The following TRERF1 variants were observed in gnomAD, a reference collection of about 807,000 sequenced individuals.
The protein encoded by TRERF1 is transcriptional regulating factor 1, also known as transcriptional-regulating factor 1.
Under a neutral mutation model 122.9 loss-of-function variants are expected in TRERF1, and 27 were observed. That is an observed-to-expected ratio of 0.22 (90% CI 0.16 to 0.30). TRERF1 has a LOEUF of 0.30. TRERF1 is among the 10% of genes least tolerant of loss of function. The pLI, the probability that TRERF1 is intolerant of heterozygous loss-of-function variation, is 1.00. For missense variants in TRERF1, 1,248 were observed against 1,560.3 expected, an observed-to-expected ratio of 0.80 and a Z score of 3.37; for synonymous variants, 636 against 641.7, an observed-to-expected ratio of 0.99 and a Z score of 0.13.
At chr6:42,445,112 T>C (rs1160935157) in intron 2 of TRERF1, among the ~76,000 whole-genome samples, 1 of 151,640 alleles carries the variant, frequency 6.6e-6, no homozygotes, top group Non-Finnish European at 1.5e-5. Flanking sequence ...CTACTAAAAA[T>C]ATAAAAACCA....
In TRERF1 at chr6:42,259,541, G is replaced by A. The variant is rs749703590; in HGVS notation, c.2067C>T (p.Ser689=). ...GCAGGTGGTCCCCGAGGACGCGCGG[G>A]GAGCGCAGCTGGCTCTGGTACAGGG... is the stretch of plus-strand genomic sequence containing the variant. The change falls in exon 9 of 18, where the codon TCC becomes TCT. Residue 689 remains serine (S), a synonymous_variant. Transcript: ENST00000372922. This position sits in a 1 kb window ranked among gnomAD's most constrained non-coding sequence, Gnocchi z 4.9. 5.0e-6 allele frequency: 8 copies of A among 1,613,594 alleles called. No individual in the cohort carries two copies. In the South Asian group the frequency reaches 8.8e-5, roughly 18 times the overall value.
At chr6:42,370,547 A>C (rs532646827) in intron 2 of TRERF1, among the ~76,000 whole-genome samples, 2 of 152,318 alleles carry the variant, frequency 1.3e-5, no homozygotes, top group East Asian at 3.9e-4. Flanking sequence ...TTAAACAAAA[A>C]CCATGAACCA....
chr6:42,265,706 T>C (rs1356163419), intron 6 of TRERF1, 45 bp downstream of exon 6: 2 of 1,593,748 alleles, frequency 1.3e-6, no homozygotes. Flanking sequence ...CCCCAGAAAA[T>C]CCTCCCCGTC....
At chr6:42,261,615 G>T (rs1030067368) in intron 8 of TRERF1, among the ~76,000 whole-genome samples, 1 of 152,112 alleles carries the variant, frequency 6.6e-6, no homozygotes, top group Non-Finnish European at 1.5e-5. Context: ...TGGGGGGCAG[G>T]TCTCAGCTGT....
chr6:42,359,586 C>T (rs546504236), intron 3 of TRERF1, among the ~76,000 whole-genome samples: 7 of 152,158 alleles, frequency 4.6e-5, no homozygotes, highest in East Asian at 3.9e-4. Flanking sequence ...TAGCTGGGCG[C>T]GGTGGCGTGC....
intron 3 of TRERF1, among the ~76,000 whole-genome samples, chr6:42,340,216 AT>A (rs142888332): frequency 3.3e-5 from 5 of 151,878 alleles, no homozygotes; most frequent in Non-Finnish European, 5.9e-5. Context: ...AATGATTCAC[AT>A]TTTTTTTGTG....
chr6:42,268,858 C>G lies in TRERF1; in HGVS notation c.733G>C (p.Val245Leu). ...GCCTGCAGTGGCTGTCCTCCCTGCA[C>G]TGGCACCTGAGCCAGAGGCTGCTGG... The change falls in exon 5 of 18, where the codon GTG becomes CTG. Residue 245 changes from valine to leucine, a missense_variant. Physicochemically the swap from Val to Leu is conservative, Grantham distance 32. Coordinates refer to ENST00000372922, the Ensembl canonical transcript of TRERF1. The surrounding 1 kb of genome is among the most constrained non-coding windows in gnomAD (Gnocchi z 4.4). The G allele has an allele frequency of 6.2e-7, 1 of 1,614,160 alleles. No homozygotes were observed. Among genetic ancestry groups the G allele is most frequent in the South Asian group, 1.1e-5 (1 of 91,086 alleles).
chr6:42,255,655 C>T (rs1445539776), intron 12 of TRERF1, among the ~76,000 whole-genome samples: 1 of 152,186 alleles, frequency 6.6e-6, no homozygotes, highest in East Asian at 1.9e-4. Flanking sequence ...GCTACACTGC[C>T]ACACTGATCT....
Position 42,422,504 on chromosome 6 carries a change from CAA to C in TRERF1, c.-454+28671_-454+28672del, listed in dbSNP as rs70987594. Among the ~76,000 whole-genome samples the C allele has an allele frequency of 4.4e-3, 530 of 120,688 alleles. 6 individuals are homozygous for C. The highest frequency in any genetic ancestry group is 0.018 in the African/African-American group (503 of 28,332). The allele number at this position is 120,688 out of a possible 152,430, so 79.2% of individuals were successfully genotyped here. A position where few individuals can be genotyped will look rare whatever the true frequency, so the allele number is the denominator to read the frequency against. On this transcript the variant is annotated intron_variant, in intron 2 of 17. Transcript: ENST00000372922. ...GGGCAACAGAGCCAGACCCTGTCTC[CAA>C]AAAAAAAAAAAAAAAAAAAATACAA...
At chr6:42,264,931 T>TA in intron 6 of TRERF1, 77 bp from the exon 7 acceptor site, 1 of 1,501,012 alleles carries the variant, frequency 6.7e-7, no homozygotes, top group Non-Finnish European at 9.1e-7. Flanking sequence ...CAAGACCTCA[T>TA]ACCCACCACA....
chr6:42,301,709 C>T (rs1167652346), intron 3 of TRERF1, among the ~76,000 whole-genome samples: 1 of 152,132 alleles, frequency 6.6e-6, no homozygotes. Flanking sequence ...TACTAAGCAC[C>T]GACTCAATTT....
At chr6:42,344,791 G>C (rs1398371333) in intron 3 of TRERF1, among the ~76,000 whole-genome samples, 1 of 152,074 alleles carries the variant, frequency 6.6e-6, no homozygotes, top group Admixed American at 6.5e-5. Flanking sequence ...ACTGCAAAAT[G>C]CACCCTACCC....
chr6:42,332,239 A>T (rs1285959622), intron 3 of TRERF1, among the ~76,000 whole-genome samples: 1 of 152,268 alleles, frequency 6.6e-6, no homozygotes. Flanking sequence ...CACCGCGCCC[A>T]GCGGGGAAAC....
At chr6:42,371,241 G>A (rs1471577635) in intron 2 of TRERF1, among the ~76,000 whole-genome samples, 1 of 152,170 alleles carries the variant, frequency 6.6e-6, no homozygotes, top group Admixed American at 6.5e-5. Context: ...CTCTGAGCAC[G>A]TCCAAGGCCT....
At chr6:42,433,952 G>A (rs1784872527) in intron 2 of TRERF1, among the ~76,000 whole-genome samples, 1 of 152,204 alleles carries the variant, frequency 6.6e-6, no homozygotes, top group Admixed American at 6.5e-5. Flanking sequence ...GGGCCCATGA[G>A]TTTGAGGCTG....
At chr6:42,238,496 T>C (rs1461525611) in intron 15 of TRERF1, among the ~76,000 whole-genome samples, 6 of 152,164 alleles carry the variant, frequency 3.9e-5, no homozygotes, top group African/African-American at 2.4e-5. Context: ...AATCTTAACA[T>C]GTAGAACTTC....
At chr6:42,425,875 C>CTGCT (rs1379575725) in intron 2 of TRERF1, among the ~76,000 whole-genome samples, 1 of 152,024 alleles carries the variant, frequency 6.6e-6, no homozygotes, top group Non-Finnish European at 1.5e-5. Flanking sequence ...CTGCATGGGG[C>CTGCT]TGCTTTTCCT....
chr6:42,313,039 G>A (rs1183096364), intron 3 of TRERF1, among the ~76,000 whole-genome samples: 8 of 152,162 alleles, frequency 5.3e-5, no homozygotes, highest in Admixed American at 4.6e-4. Context: ...AGGCCTGATT[G>A]TTTCTGCTGA....
intron 2 of TRERF1, among the ~76,000 whole-genome samples, chr6:42,441,979 C>A (rs1786606272): frequency 6.6e-6 from 1 of 152,266 alleles, no homozygotes; most frequent in East Asian, 1.9e-4. Context: ...GGTTTGAATT[C>A]CATACTGCCT....
Sources: allele counts gnomAD v4.1 joint callset (sites outside exome capture counted in the v4.1 genomes callset), GRCh38; gene constraint gnomAD v4.1.1; non-coding constraint Gnocchi (gnomAD v3.1); transcripts MANE v1.5; gene names NCBI Gene and HGNC (gene_info 2026-07-23, HGNC 2026-07-21).